Variants in TUSC3 observed in about 807,000 individuals in gnomAD.
TUSC3 encodes the protein tumor suppressor candidate 3, also known as dolichyl-diphosphooligosaccharide--protein glycosyltransferase subunit TUSC3.
Under a neutral mutation model 44.8 loss-of-function variants are expected in TUSC3, and 45 were observed. The observed-to-expected ratio is 1.00, with a 90% CI of 0.79 to 1.29. The LOEUF (loss-of-function observed/expected upper bound fraction) is 1.29, where lower values mean the gene tolerates loss of function less well. Among genes scored for constraint, TUSC3 ranks in the 50% most tolerant of loss-of-function variants. TUSC3 has a pLI of 0.00. For synonymous variants in TUSC3, 212 were observed against 152.9 expected (o/e 1.39, Z -2.85); for missense variants, 519 against 437.9 (o/e 1.19, Z -1.65).
the TUSC3 span, among the ~76,000 whole-genome samples, chr8:15,828,964 CA>C: frequency 2.6e-5 from 4 of 152,122 alleles, no homozygotes; most frequent in Non-Finnish European, 4.4e-5. Context: ...CCTCTGTTGA[CA>C]AAAAACATGA....
At chr8:15,601,892 C>A (rs1804299768) in intron 1 of TUSC3, among the ~76,000 whole-genome samples, 1 of 142,648 alleles carries the variant, frequency 7.0e-6, no homozygotes, top group Non-Finnish European at 1.5e-5. Context: ...AGAATATATT[C>A]ATATAATATT....
intron 1 of TUSC3, among the ~76,000 whole-genome samples, chr8:15,467,222 T>C (rs1236740103): frequency 1.3e-5 from 2 of 150,604 alleles, no homozygotes; most frequent in East Asian, 1.9e-4. Flanking sequence ...GCTATTCTAC[T>C]TGGGGTTCAT....
At position 15,540,539 on chromosome 8, in the gene TUSC3, C is replaced by A. The variant is rs1801646644; in HGVS notation, c.109C>A (p.Gln37Lys). The A allele has an allele frequency of 6.2e-7, 1 of 1,601,992 alleles. No individual in the cohort carries two copies. Reference sequence around the variant, plus strand: ...TCTCCTGCTGCTGCTGCTCTGCATCCAGCTCGGGGGAGGACAGAAGAAAAA... The same window carrying A: ...TCTCCTGCTGCTGCTGCTCTGCATCAAGCTCGGGGGAGGACAGAAGAAAAA... ...FLLLLLLLCI[Q>K]LGGGQKKKEN... is the part of the protein sequence containing the mutation. Residue 37 changes from glutamine to lysine, a missense_variant, in exon 1 of 11, where the codon CAG (glutamine) becomes AAG (lysine). Gln to Lys is a moderately conservative substitution (Grantham distance 53). Coordinates refer to ENST00000503731, the MANE Select transcript of TUSC3 (RefSeq NM_006765.4).
chr8:15,606,938 T>A (rs1207743101), intron 1 of TUSC3, among the ~76,000 whole-genome samples: 2 of 151,996 alleles, frequency 1.3e-5, no homozygotes. Flanking sequence ...TGTGTGTGTA[T>A]GTGTATATGT....
intron 2 of TUSC3, among the ~76,000 whole-genome samples, chr8:15,500,641 T>A (rs1399773377): frequency 6.6e-6 from 1 of 152,230 alleles, no homozygotes; most frequent in African/African-American, 2.4e-5. Context: ...AAATCTTTTT[T>A]AAATTCCCCT....
At chr8:15,712,565 A>G (rs962904238) in intron 6 of TUSC3, among the ~76,000 whole-genome samples, 3 of 152,024 alleles carry the variant, frequency 2.0e-5, no homozygotes, top group Admixed American at 1.3e-4. Context: ...AAAAGGATTT[A>G]CGTGGTCTCC....
intron 1 of TUSC3, among the ~76,000 whole-genome samples, chr8:15,572,614 T>G (rs1296169432): frequency 6.6e-6 from 1 of 152,210 alleles, no homozygotes; most frequent in Non-Finnish European, 1.5e-5. Flanking sequence ...TTGGCCTATC[T>G]GAGCTTTCCA....
the TUSC3 span, among the ~76,000 whole-genome samples, chr8:15,792,636 G>C: frequency 0.014 from 2,050 of 151,758 alleles, 21 homozygotes; most frequent in East Asian, 0.058. Flanking sequence ...TTCTTTTTGA[G>C]ACAGAGCCCT....
At chr8:15,509,987 T>G (rs557690032) in intron 2 of TUSC3, among the ~76,000 whole-genome samples, 2 of 152,218 alleles carry the variant, frequency 1.3e-5, no homozygotes, top group East Asian at 3.9e-4. Context: ...CTGAGCCACA[T>G]AGCAAGACCT....
intron 1 of TUSC3, among the ~76,000 whole-genome samples, chr8:15,614,170 C>G (rs1286512546): frequency 6.6e-6 from 1 of 151,898 alleles, no homozygotes; most frequent in Admixed American, 6.6e-5. Context: ...TCTGCATTAG[C>G]CATAACACAT....
At chr8:15,822,913 G>A in the TUSC3 span, among the ~76,000 whole-genome samples, 1 of 152,196 alleles carries the variant, frequency 6.6e-6, no homozygotes, top group East Asian at 1.9e-4. Flanking sequence ...GTGGATTGAA[G>A]TCATATCTGT....
In TUSC3 at chr8:15,526,102, G is replaced by T. The variant is rs1319028725; in HGVS notation, n.189+42619G>T. On this transcript the variant is annotated intron_variant and non_coding_transcript_variant, in intron 2 of 5. Coordinates refer to the TUSC3 transcript ENST00000503191. ...GGCTGGAGTGCAGTGGCACCATCTC[G>T]GCTCACTGCAAGCTCCGCCTCCAGG... Among the ~76,000 whole-genome samples, 3 of 151,760 alleles carry T rather than the reference G, an allele frequency of 2.0e-5. 1 individual carries two copies. Among genetic ancestry groups the T allele is most frequent in the South Asian group, 2.1e-4 (1 of 4,790 alleles).
chr8:15,496,589 C>T (rs1016386908), intron 2 of TUSC3, among the ~76,000 whole-genome samples: 1 of 152,160 alleles, frequency 6.6e-6, no homozygotes, highest in African/African-American at 2.4e-5. Flanking sequence ...AGGCTCAGCA[C>T]ATTTCCAGCT....
intron 6 of TUSC3, among the ~76,000 whole-genome samples, chr8:15,716,030 C>A (rs981773667): frequency 1.3e-5 from 2 of 151,916 alleles, no homozygotes; most frequent in African/African-American, 4.8e-5. Context: ...CCACGGCAGG[C>A]GGTTCACTTG....
At chr8:15,532,466 C>T (rs1286544387) in intron 2 of TUSC3, among the ~76,000 whole-genome samples, 1 of 152,140 alleles carries the variant, frequency 6.6e-6, no homozygotes, top group Non-Finnish European at 1.5e-5. Context: ...CATAGATCCA[C>T]AGGAAAAACT....
intron 1 of TUSC3, among the ~76,000 whole-genome samples, chr8:15,436,193 G>A (rs1799943351): frequency 6.6e-6 from 1 of 152,154 alleles, no homozygotes; most frequent in Admixed American, 6.6e-5. Flanking sequence ...GACAGAACAT[G>A]GCAGAAGCCA....
At chr8:15,770,802 A>T (rs542612462), downstream of TUSC3, among the ~76,000 whole-genome samples, 1 of 152,164 alleles carries the variant, frequency 6.6e-6, no homozygotes, top group East Asian at 1.9e-4. Context: ...AAGCATATTA[A>T]GTATAAATAC....
At chr8:15,586,749 G>A (rs774828757) in intron 1 of TUSC3, among the ~76,000 whole-genome samples, 23 of 152,128 alleles carry the variant, frequency 1.5e-4, no homozygotes, top group Non-Finnish European at 3.4e-4. Flanking sequence ...TGGAGCCAGG[G>A]TTGATACCGA....
chr8:15,732,181 T>C (rs1742471929), intron 7 of TUSC3, among the ~76,000 whole-genome samples: 2 of 152,176 alleles, frequency 1.3e-5, no homozygotes, highest in Non-Finnish European at 2.9e-5. Flanking sequence ...ATATATGGGT[T>C]GATTCCTTAG....
Sources: gnomAD v4.1 joint callset for allele counts (sites outside exome capture counted in the v4.1 genomes callset) on GRCh38, gnomAD v4.1.1 for gene constraint, MANE v1.5 for transcripts, NCBI Gene and HGNC (gene_info 2026-07-23, HGNC 2026-07-21) for gene names.